Variants in GPC6 observed in about 807,000 individuals in gnomAD.
The protein encoded by GPC6 is glypican-6.
GPC6 carries 14 observed loss-of-function variants against 55.2 expected under a neutral mutation model. The ratio of observed to expected loss-of-function variants is 0.25; its 90% CI spans 0.17 to 0.40. The LOEUF is 0.40. Among genes scored for constraint, GPC6 ranks in the 10% least tolerant of loss-of-function variants. The pLI is 1.00. For missense variants in GPC6, 641 were observed against 708.5 expected (o/e 0.90, Z 1.08); for synonymous variants, 278 against 259.6 (o/e 1.07, Z -0.68).
Position 93,910,061 on chromosome 13 carries a change from T to TTGTGTGTG in GPC6, c.711+79528_711+79535dup, listed in dbSNP as rs113288409. Among the ~76,000 whole-genome samples, 32 of 150,140 alleles carry TTGTGTGTG rather than the reference T, an allele frequency of 2.1e-4. 1 individual carries two copies. Among genetic ancestry groups the TTGTGTGTG allele is most frequent in the South Asian group, 1.7e-3 (8 of 4,722 alleles). ...CTCTAAGAATTTACAGCTCGTGTGTTTGTGTGTGTGTGTGTGTGTCTTTGT... is the reference window on the plus strand; with the variant it reads ...CTCTAAGAATTTACAGCTCGTGTGTTTGTGTGTGTGTGTGTGTGTGTGTGTGTCTTTGT... On this transcript the variant is annotated intron_variant, in intron 3 of 8. Coordinates refer to ENST00000377047, the MANE Select transcript of GPC6 (RefSeq NM_005708.5).
intron 3 of GPC6, among the ~76,000 whole-genome samples, chr13:93,904,258 C>G (rs1349782871): frequency 6.6e-6 from 1 of 152,068 alleles, no homozygotes; most frequent in Non-Finnish European, 1.5e-5. Context: ...TTATGAGGTT[C>G]AAGAGTAGAA....
intron 2 of GPC6, among the ~76,000 whole-genome samples, chr13:93,585,275 A>G (rs1329961277): frequency 6.6e-6 from 1 of 152,150 alleles, no homozygotes; most frequent in African/African-American, 2.4e-5. Context: ...TTCTCAGGAA[A>G]GTTAAAGGTT....
chr13:93,571,485 T>C (rs1034197072), intron 2 of GPC6, among the ~76,000 whole-genome samples: 1 of 152,188 alleles, frequency 6.6e-6, no homozygotes, highest in Admixed American at 6.6e-5. Context: ...TTTATGCCTC[T>C]TACAAATTTA....
chr13:93,723,023 G>T (rs1001419473), intron 2 of GPC6, among the ~76,000 whole-genome samples: 1 of 151,900 alleles, frequency 6.6e-6, no homozygotes, highest in African/African-American at 2.4e-5. Flanking sequence ...GGTATTAGGG[G>T]TTAGTACCCC....
At chr13:93,386,098 T>TAAAAAA (rs34852109) in intron 1 of GPC6, among the ~76,000 whole-genome samples, 29 of 127,752 alleles carry the variant, frequency 2.3e-4, no homozygotes, top group Middle Eastern at 4.1e-3. Context: ...ACCACTTTGT[T>TAAAAAA]AAAAAAAAAA....
At chr13:94,058,931 C>G (rs1364972604) in intron 4 of GPC6, among the ~76,000 whole-genome samples, 1 of 152,158 alleles carries the variant, frequency 6.6e-6, no homozygotes, top group Non-Finnish European at 1.5e-5. Context: ...TTCTTTCAAT[C>G]ATGATGGTAT....
chr13:93,637,159 G>T (rs1879735901), intron 2 of GPC6, among the ~76,000 whole-genome samples: 1 of 152,040 alleles, frequency 6.6e-6, no homozygotes, highest in African/African-American at 2.4e-5. Flanking sequence ...AAGACTATTG[G>T]GTTCATAGCA....
intron 4 of GPC6, among the ~76,000 whole-genome samples, chr13:94,090,489 A>G (rs542313972): frequency 4.6e-5 from 7 of 152,176 alleles, no homozygotes; most frequent in Non-Finnish European, 1.0e-4. Flanking sequence ...ATAATAGCTC[A>G]TCATGAAAAA....
At chr13:94,314,523 G>T (rs1406944440) in intron 6 of GPC6, among the ~76,000 whole-genome samples, 4 of 152,106 alleles carry the variant, frequency 2.6e-5, no homozygotes, top group Admixed American at 6.6e-5. Context: ...TTGGTGTTTT[G>T]GTAGATTGAT....
At chr13:93,504,171 G>A (rs4491363) in intron 1 of GPC6, among the ~76,000 whole-genome samples, 131,930 of 152,084 alleles carry the variant, frequency 0.87, 57,769 homozygotes, top group Non-Finnish European at 0.92. Context: ...CCTTTGATTC[G>A]ATAATCCTGT....
chr13:94,014,798 T>C (rs554828790), intron 3 of GPC6, among the ~76,000 whole-genome samples: 1 of 152,328 alleles, frequency 6.6e-6, no homozygotes, highest in South Asian at 2.1e-4. Context: ...CAATATATGG[T>C]CTATGAGTAG....
chr13:94,289,919 G>A (rs1159493500), intron 5 of GPC6, among the ~76,000 whole-genome samples: 1 of 152,098 alleles, frequency 6.6e-6, no homozygotes, highest in Non-Finnish European at 1.5e-5. Context: ...GGGGTTCATG[G>A]TGTTCTAGGG....
At chr13:93,431,702 G>A (rs547073401) in intron 1 of GPC6, among the ~76,000 whole-genome samples, 109 of 152,194 alleles carry the variant, frequency 7.2e-4, no homozygotes, top group African/African-American at 2.5e-3. Context: ...GTATATACTA[G>A]GAGCCTGGAT....
chr13:94,080,874 G>T (rs914429191), intron 4 of GPC6, among the ~76,000 whole-genome samples: 4 of 152,278 alleles, frequency 2.6e-5, no homozygotes, highest in Non-Finnish European at 4.4e-5. Flanking sequence ...ATGAATTTTG[G>T]AAGGATACAA....
At chr13:93,776,164 A>G (rs1885460834) in intron 2 of GPC6, among the ~76,000 whole-genome samples, 1 of 152,110 alleles carries the variant, frequency 6.6e-6, no homozygotes, top group African/African-American at 2.4e-5. Flanking sequence ...AAAATAGTAC[A>G]ATCTAGGTAA....
At chr13:94,303,311 G>A (rs1232753874) in intron 5 of GPC6, among the ~76,000 whole-genome samples, 1 of 152,094 alleles carries the variant, frequency 6.6e-6, no homozygotes, top group African/African-American at 2.4e-5. Flanking sequence ...TTTACCTCCT[G>A]TTTTGCCTAA....
chr13:94,360,577 T>TA (rs79401786), intron 6 of GPC6, among the ~76,000 whole-genome samples: 4,003 of 151,860 alleles, frequency 0.026, 217 homozygotes, highest in East Asian at 0.24. Flanking sequence ...ATAGTGGCGT[T>TA]AAAAAAAAGG....
At chr13:93,842,574 C>T (rs1887993126) in intron 3 of GPC6, among the ~76,000 whole-genome samples, 1 of 152,030 alleles carries the variant, frequency 6.6e-6, no homozygotes, top group South Asian at 2.1e-4. Context: ...TCCCAACTGT[C>T]CAAGACTTCC....
intron 2 of GPC6, among the ~76,000 whole-genome samples, chr13:93,741,772 A>G (rs988303335): frequency 6.6e-6 from 1 of 152,162 alleles, no homozygotes; most frequent in Admixed American, 6.5e-5. Context: ...CTACTTAAAT[A>G]GTGTTAGCAT....
Sources: gnomAD v4.1 joint callset for allele counts (sites outside exome capture counted in the v4.1 genomes callset) on GRCh38, gnomAD v4.1.1 for gene constraint, MANE v1.5 for transcripts, NCBI Gene and HGNC (gene_info 2026-07-23, HGNC 2026-07-21) for gene names.